The following HDAC7 variants were observed in gnomAD, a reference collection of about 807,000 sequenced individuals.
HDAC7 encodes the protein histone deacetylase 7.
A neutral mutation model predicts 115.5 loss-of-function variants in HDAC7; 26 were observed. The observed-to-expected ratio is 0.23, with a 90% CI of 0.16 to 0.31. The LOEUF (loss-of-function observed/expected upper bound fraction) is 0.31, where lower values mean the gene tolerates loss of function less well. HDAC7 is among the 10% of genes least tolerant of loss of function. The probability of loss-of-function intolerance (pLI) is 1.00; values close to 1 mark genes in which losing one functional copy is unlikely to be tolerated. For missense variants in HDAC7, 1,068 were observed against 1,329.0 expected, an observed-to-expected ratio of 0.80 and a Z score of 3.05; for synonymous variants, 564 against 550.9, an observed-to-expected ratio of 1.02 and a Z score of -0.33.
intron 1 of HDAC7, among the ~76,000 whole-genome samples, chr12:47,805,765 G>T (rs1013204042): frequency 2.0e-5 from 3 of 152,174 alleles, no homozygotes; most frequent in African/African-American, 4.8e-5. Context: ...AAGGGGCTAG[G>T]TCACAGCCAC....
intron 15 of HDAC7, 75 bp downstream of exon 15, chr12:47,791,511 C>A: frequency 6.5e-7 from 1 of 1,527,226 alleles, no homozygotes; most frequent in South Asian, 1.2e-5. Context: ...GCTGGGCGGG[C>A]AGAGCCGAGA....
Position 47,788,056 on chromosome 12 carries a change from C to A in HDAC7, c.2344G>T (p.Ala782Ser). 4 of 1,611,270 alleles carry A rather than the reference C, an allele frequency of 2.5e-6. No homozygotes were observed. The highest frequency in any genetic ancestry group is 3.4e-6 in the Non-Finnish European group (4 of 1,178,404). ...DDGNFFPGSG[A>S]VDEVGAGSGE... is the part of the protein sequence containing the mutation. ...TGACATGCGGTTACCTCATCCACAG[C>A]CCCACTCCCCGGGAAGAAGTTGCCG... The change falls in exon 20 of 26, where the codon GCT becomes TCT. Residue 782 changes from alanine (A) to serine (S), a missense_variant. By Grantham distance (99) the Ala-to-Ser change is moderately conservative. Around this residue, in one of 6 missense-constraint regions of HDAC7, gnomAD observed 182 missense variants for 301.1 expected, o/e 0.60. Transcript: ENST00000080059.
rs936581459 is a variant in HDAC7, at chr12:47,792,187, C to A, written c.1679-183G>T. On this transcript the variant is annotated intron_variant, in intron 13 of 25. Transcript: ENST00000080059. ...CTACCCCAGCCCCAGCCCCTCACAC[C>A]TGTCCACACACGCCCAGACACTTCC... 12 of 649,530 alleles carry A rather than the reference C, an allele frequency of 1.8e-5. No homozygotes were observed. The African/African-American group carries it at 2.2e-4, about 12-fold the overall frequency. The allele number at this position is 649,530 out of a possible 1,614,324, so 40.2% of individuals were successfully genotyped here. A position where few individuals can be genotyped will look rare whatever the true frequency, so the allele number is the denominator to read the frequency against.
chr12:47,812,675 C>T (rs995378698), intron 1 of HDAC7, among the ~76,000 whole-genome samples: 7 of 152,138 alleles, frequency 4.6e-5, no homozygotes, highest in African/African-American at 1.7e-4. Context: ...GCCATATATA[C>T]AGTAGGGTCT....
chr12:47,798,972 C>T lies in HDAC7; in HGVS notation c.71G>A (p.Gly24Asp), dbSNP rs1330065142. The T allele has an allele frequency of 6.7e-7, 1 of 1,492,832 alleles. No individual in the cohort carries two copies. The highest frequency in any genetic ancestry group is 2.4e-5 in the East Asian group (1 of 41,746). The allele number at this position is 1,492,832 out of a possible 1,614,324, so 92.5% of individuals were successfully genotyped here. A position where few individuals can be genotyped will look rare whatever the true frequency, so the allele number is the denominator to read the frequency against. Residue 24 changes from glycine to aspartate, a missense_variant and splice_region_variant, in exon 3 of 26, where the codon GGC (glycine) becomes GAC (aspartate). Around this residue, in one of 6 missense-constraint regions of HDAC7, gnomAD observed 161 missense variants for 158.5 expected, o/e 1.02. Coordinates refer to ENST00000080059, the MANE Select transcript of HDAC7 (RefSeq NM_015401.5). The surrounding 1 kb of genome is among the most constrained non-coding windows in gnomAD (Gnocchi z 4.3). The stretch of plus-strand genomic sequence containing the variant: ...TGTGTCTGCACAGGGCCTGGGGCAG[C>T]CTAGGGACAGAGAGAGGGAGCAGGG... Reference protein sequence around the residue: ...GAHYCSPTGAGCPRPCADTPG... With the variant: ...GAHYCSPTGADCPRPCADTPG...
At chr12:47,809,360 C>T (rs922946238) in intron 1 of HDAC7, among the ~76,000 whole-genome samples, 5 of 152,214 alleles carry the variant, frequency 3.3e-5, no homozygotes, top group African/African-American at 1.2e-4. Flanking sequence ...CCTCACTCTT[C>T]TCACCTGTGC....
intron 7 of HDAC7, among the ~76,000 whole-genome samples, chr12:47,796,612 C>T (rs1310591728): frequency 6.6e-6 from 1 of 151,980 alleles, no homozygotes; most frequent in African/African-American, 2.4e-5. Flanking sequence ...TTAGTAGAGA[C>T]AGGGTTTCAC....
At chr12:47,812,403 T>A (rs986002961) in intron 1 of HDAC7, among the ~76,000 whole-genome samples, 4 of 152,152 alleles carry the variant, frequency 2.6e-5, no homozygotes, top group African/African-American at 9.7e-5. Context: ...ATATGAACAA[T>A]AACATTAATA....
chr12:47,818,167 G>A (rs1463310212), intron 1 of HDAC7, among the ~76,000 whole-genome samples: 1 of 152,126 alleles, frequency 6.6e-6, no homozygotes, highest in African/African-American at 2.4e-5. Context: ...TGTAAGACCC[G>A]GTGGCCACAG....
intron 1 of HDAC7, among the ~76,000 whole-genome samples, chr12:47,804,524 G>GAAA (rs35819372): frequency 3.1e-5 from 4 of 129,658 alleles, no homozygotes; most frequent in Non-Finnish European, 6.7e-5. Flanking sequence ...GGGTCAGCCT[G>GAAA]AAAAAAAAAA....
chr12:47,795,466 C>T lies in HDAC7; in HGVS notation c.1088-86G>A. ...GGGTATAGGGTGGGGGGCCAGGGTG[C>T]AGCAGGGCAATGCGCAGGACAGGGG... On this transcript the variant is annotated intron_variant, in intron 10 of 25. Transcript: ENST00000080059. This position sits in a 1 kb window ranked among gnomAD's most constrained non-coding sequence, Gnocchi z 4.3. 7.2e-7 allele frequency: 1 copy of T among 1,381,430 alleles called. No homozygotes were observed. The highest frequency in any genetic ancestry group is 1.4e-5 in the African/African-American group (1 of 69,332). The allele number at this position is 1,381,430 out of a possible 1,614,324, so 85.6% of individuals were successfully genotyped here.
intron 2 of HDAC7, 68 bp downstream of exon 2, chr12:47,802,156 G>C (rs2525051): frequency 0.47 from 706,919 of 1,502,050 alleles, 172,388 homozygotes; most frequent in African/African-American, 0.58. Flanking sequence ...AGCTTCTCGC[G>C]TTCTTACAGC....
At chr12:47,813,665 G>A (rs1270498495) in intron 1 of HDAC7, among the ~76,000 whole-genome samples, 1 of 148,140 alleles carries the variant, frequency 6.8e-6, no homozygotes, top group East Asian at 1.9e-4. Context: ...GCTTAGCCCA[G>A]GGCCTTCCTG....
intron 1 of HDAC7, among the ~76,000 whole-genome samples, chr12:47,804,894 C>T (rs1399449739): frequency 6.6e-6 from 1 of 152,002 alleles, no homozygotes; most frequent in Non-Finnish European, 1.5e-5. Context: ...CAGTCTTGGT[C>T]CTCCCTCCCC....
chr12:47,798,896 T>C lies in HDAC7; in HGVS notation c.147A>G (p.Pro49=), dbSNP rs1318976442. 5 of 1,536,310 alleles carry C rather than the reference T, an allele frequency of 3.3e-6. No individual in the cohort carries two copies. Among genetic ancestry groups the C allele is most frequent in the African/African-American group, 1.4e-5 (1 of 72,004 alleles). The part of the protein sequence containing the change: ...PMDLRVGQRP[P]VEPPPEPTLL... Reference sequence around the variant, plus strand: ...ATGTGGGCTCTGGTGGGGGCTCCACTGGGGGCCGCTGGCCCACCCGCAGGT... The same window carrying C: ...ATGTGGGCTCTGGTGGGGGCTCCACCGGGGGCCGCTGGCCCACCCGCAGGT... The change falls in exon 3 of 26, where the codon CCA becomes CCG. Residue 49 remains proline (P), a synonymous_variant. Coordinates refer to ENST00000080059, the MANE Select transcript of HDAC7 (RefSeq NM_015401.5). This position sits in a 1 kb window ranked among gnomAD's most constrained non-coding sequence, Gnocchi z 4.3.
chr12:47,808,883 A>G (rs1222709007), intron 1 of HDAC7, among the ~76,000 whole-genome samples: 1 of 152,206 alleles, frequency 6.6e-6, no homozygotes, highest in African/African-American at 2.4e-5. Flanking sequence ...TAAGTTCCAC[A>G]TTCATCCTCA....
At chr12:47,802,133 T>C (rs978856626) in intron 2 of HDAC7, 91 bp downstream of exon 2, 1 of 1,383,416 alleles carries the variant, frequency 7.2e-7, no homozygotes, top group South Asian at 1.3e-5. Context: ...CGACCCTGCT[T>C]CTCTAACCCC....
intron 22 of HDAC7, 147 bp from the exon 23 acceptor site, chr12:47,786,032 A>G (rs766694803): frequency 2.2e-5 from 19 of 858,808 alleles, no homozygotes; most frequent in Non-Finnish European, 2.9e-5. Context: ...TTCACATTGA[A>G]TGTCGTACAA....
Position 47,795,562 on chromosome 12 carries a change from T to C in HDAC7, c.1087+25A>G. ...TAGCAGGGTGCAGGGACCCAGCCCC[T>C]TCCCTGAAGAAGCAGCAGACTCACC... On this transcript the variant is annotated intron_variant, in intron 10 of 25. Coordinates refer to ENST00000080059, the MANE Select transcript of HDAC7 (RefSeq NM_015401.5). The surrounding 1 kb of genome is among the most constrained non-coding windows in gnomAD (Gnocchi z 4.3). The C allele has an allele frequency of 6.5e-7, 1 of 1,549,830 alleles. No homozygotes were observed. The highest frequency in any genetic ancestry group is 1.2e-5 in the South Asian group (1 of 84,160).
Sources: gnomAD v4.1 joint callset for allele counts (sites outside exome capture counted in the v4.1 genomes callset) on GRCh38, gnomAD v4.1.1 for gene constraint, gnomAD v4.1.1 regional missense constraint, Gnocchi (gnomAD v3.1) non-coding constraint, MANE v1.5 for transcripts, NCBI Gene and HGNC (gene_info 2026-07-23, HGNC 2026-07-21) for gene names.